Variants in CLNK observed in about 807,000 individuals in gnomAD.
The protein encoded by CLNK is cytokine-dependent hematopoietic cell linker.
Under a neutral mutation model 68.6 loss-of-function variants are expected in CLNK, and 74 were observed. That is an observed-to-expected ratio of 1.08 (90% CI 0.89 to 1.31). The LOEUF is 1.31. Ranked by LOEUF, CLNK falls within the 50% of genes most tolerant of loss-of-function variation. CLNK has a pLI of 0.00. For missense variants in CLNK, 553 were observed against 515.3 expected (o/e 1.07, Z -0.71); for synonymous variants, 198 against 172.2 (o/e 1.15, Z -1.17).
upstream of CLNK, among the ~76,000 whole-genome samples, chr4:10,685,991 A>G (rs970723892): frequency 6.6e-5 from 10 of 152,142 alleles, no homozygotes; most frequent in Non-Finnish European, 1.3e-4. Flanking sequence ...TGGGGTTTTC[A>G]TAACAAAGGA....
intron 3 of CLNK, among the ~76,000 whole-genome samples, chr4:10,590,073 T>C (rs1168897947): frequency 6.6e-6 from 1 of 152,186 alleles, no homozygotes; most frequent in Non-Finnish European, 1.5e-5. Flanking sequence ...ATTTCCGGTG[T>C]ATATAAGCCG....
At chr4:10,730,885 T>G in the CLNK span, among the ~76,000 whole-genome samples, 1 of 152,176 alleles carries the variant, frequency 6.6e-6, no homozygotes, top group African/African-American at 2.4e-5. Context: ...CTTAATTAAT[T>G]TACACTCACA....
At chr4:10,643,469 G>A (rs1409808710) in intron 2 of CLNK, among the ~76,000 whole-genome samples, 2 of 152,234 alleles carry the variant, frequency 1.3e-5, no homozygotes, top group Non-Finnish European at 2.9e-5. Context: ...GATAGTGACT[G>A]TTTTCCTTTC....
At chr4:10,709,166 C>A in the CLNK span, among the ~76,000 whole-genome samples, 1 of 152,288 alleles carries the variant, frequency 6.6e-6, no homozygotes, top group South Asian at 2.1e-4. Flanking sequence ...TATACTGACT[C>A]TATGTTCTTG....
intron 4 of CLNK, among the ~76,000 whole-genome samples, chr4:10,573,866 C>T (rs1383928835): frequency 6.6e-6 from 1 of 152,140 alleles, no homozygotes; most frequent in Non-Finnish European, 1.5e-5. Context: ...CCTCTTCTCC[C>T]TCTCACCTCC....
At chr4:10,657,521 A>T (rs186174376) in intron 2 of CLNK, among the ~76,000 whole-genome samples, 56 of 152,370 alleles carry the variant, frequency 3.7e-4, no homozygotes, top group Admixed American at 6.5e-4. Context: ...CTTGACAAAG[A>T]TGGTAGAGAA....
intron 18 of CLNK, among the ~76,000 whole-genome samples, chr4:10,496,997 GTGTTTTGTCCAATTCTTT>G (rs1716836093): frequency 1.3e-5 from 2 of 152,126 alleles, no homozygotes; most frequent in African/African-American, 4.8e-5. Context: ...CTTTGTTTGT[GTGTTTTGTCCAATTCTTT>G]GTTCAAGATG....
chr4:10,548,783 T>C (rs1286813844), intron 8 of CLNK, among the ~76,000 whole-genome samples: 1 of 152,236 alleles, frequency 6.6e-6, no homozygotes, highest in Non-Finnish European at 1.5e-5. Flanking sequence ...AGAGACCATC[T>C]TGTCTCCATT....
chr4:10,701,932 G>A, the CLNK span, among the ~76,000 whole-genome samples: 1 of 152,338 alleles, frequency 6.6e-6, no homozygotes, highest in South Asian at 2.1e-4. Context: ...CACATTCCAT[G>A]CAGAGACAGC....
chr4:10,659,389 C>G (rs1048401299), intron 2 of CLNK, among the ~76,000 whole-genome samples: 6 of 152,148 alleles, frequency 3.9e-5, no homozygotes, highest in African/African-American at 1.4e-4. Context: ...GTTACTATAA[C>G]GATTTCATTT....
intron 2 of CLNK, among the ~76,000 whole-genome samples, chr4:10,606,169 G>A (rs1460390110): frequency 6.6e-6 from 1 of 152,108 alleles, no homozygotes; most frequent in Non-Finnish European, 1.5e-5. Context: ...TACTTATTCT[G>A]TAAACATTTA....
chr4:10,630,054 C>T (rs1247812152), intron 2 of CLNK, among the ~76,000 whole-genome samples: 2 of 152,170 alleles, frequency 1.3e-5, no homozygotes, highest in Admixed American at 1.3e-4. Flanking sequence ...GAAGGAATAC[C>T]TGCAAGACTA....
At chr4:10,502,806 C>T (rs1049302681) in intron 17 of CLNK, among the ~76,000 whole-genome samples, 2 of 151,722 alleles carry the variant, frequency 1.3e-5, no homozygotes, top group Non-Finnish European at 2.9e-5. Flanking sequence ...CAGTATAGGG[C>T]AAGGAAGCAA....
chr4:10,634,959 C>T (rs1723026609), intron 2 of CLNK, among the ~76,000 whole-genome samples: 1 of 152,180 alleles, frequency 6.6e-6, no homozygotes, highest in Admixed American at 6.5e-5. Context: ...GGTGGGCATC[C>T]TGGCCCTCCT....
At chr4:10,529,052 T>G (rs1718430557) in intron 12 of CLNK, among the ~76,000 whole-genome samples, 1 of 152,202 alleles carries the variant, frequency 6.6e-6, no homozygotes, top group Non-Finnish European at 1.5e-5. Flanking sequence ...GTGTTTGCTG[T>G]AGTATTTATT....
At chr4:10,496,216 A>AT (rs1182310403) in intron 18 of CLNK, among the ~76,000 whole-genome samples, 3 of 152,210 alleles carry the variant, frequency 2.0e-5, no homozygotes, top group Non-Finnish European at 4.4e-5. Context: ...ACAAAACTAC[A>AT]TGAAATTAAA....
At chr4:10,712,320 G>T in the CLNK span, among the ~76,000 whole-genome samples, 5 of 152,112 alleles carry the variant, frequency 3.3e-5, no homozygotes, top group Middle Eastern at 6.8e-3. Context: ...GGGGTGGGGT[G>T]GTGGTGGTGG....
At chr4:10,583,717 A>T (rs1211112755) in intron 4 of CLNK, among the ~76,000 whole-genome samples, 1 of 151,974 alleles carries the variant, frequency 6.6e-6, no homozygotes, top group East Asian at 1.9e-4. Flanking sequence ...TGGGGTTTCG[A>T]TTTGTTTTCT....
the CLNK span, among the ~76,000 whole-genome samples, chr4:10,725,835 CAG>C: frequency 6.8e-6 from 1 of 148,092 alleles, no homozygotes; most frequent in African/African-American, 2.5e-5. Context: ...GCCTGGGCGA[CAG>C]AGGGAGACTC....
Sources: allele counts gnomAD v4.1 joint callset (sites outside exome capture counted in the v4.1 genomes callset), GRCh38; gene constraint gnomAD v4.1.1; transcripts MANE v1.5; gene names NCBI Gene and HGNC (gene_info 2026-07-23, HGNC 2026-07-21).